VKORC1L1: variants seen among roughly 807,000 people sequenced by gnomAD.
VKORC1L1 encodes vitamin K epoxide reductase complex subunit 1L1.
VKORC1L1 carries 2 observed loss-of-function variants against 18.9 expected under a neutral mutation model. The observed-to-expected ratio is 0.11, with a 90% CI of 0.04 to 0.33. The LOEUF (loss-of-function observed/expected upper bound fraction) is 0.33. Among genes scored for constraint, VKORC1L1 ranks in the 10% least tolerant of loss-of-function variants. The pLI is 1.00. For synonymous variants in VKORC1L1, 96 were observed against 100.0 expected, an observed-to-expected ratio of 0.96 and a Z score of 0.24; for missense variants, 123 against 224.1, an observed-to-expected ratio of 0.55 and a Z score of 2.88.
At chr7:65,919,661 G>T (rs1353617303) in intron 1 of VKORC1L1, among the ~76,000 whole-genome samples, 1 of 152,140 alleles carries the variant, frequency 6.6e-6, no homozygotes, top group Non-Finnish European at 1.5e-5. Flanking sequence ...AAGCTACCAT[G>T]CTCTCTGCTG....
chr7:65,912,796 TAAAAATA>T (rs1447789510), intron 1 of VKORC1L1, among the ~76,000 whole-genome samples: 3 of 152,152 alleles, frequency 2.0e-5, no homozygotes, highest in Admixed American at 1.3e-4. Flanking sequence ...TTTTAAAAGA[TAAAAATA>T]TAAAATATAA....
intron 1 of VKORC1L1, among the ~76,000 whole-genome samples, chr7:65,887,414 T>C (rs1207097992): frequency 1.3e-5 from 2 of 152,030 alleles, no homozygotes; most frequent in Non-Finnish European, 2.9e-5. Context: ...TTCAAAAGTA[T>C]GTATACTTTA....
At chr7:65,929,117 G>GA (rs1789814267) in intron 1 of VKORC1L1, among the ~76,000 whole-genome samples, 1 of 151,880 alleles carries the variant, frequency 6.6e-6, no homozygotes, top group African/African-American at 2.4e-5. Flanking sequence ...AAGAGTTTTT[G>GA]AAAAAAGAGG....
intron 1 of VKORC1L1, among the ~76,000 whole-genome samples, chr7:65,899,594 G>A (rs1562988196): frequency 6.6e-6 from 1 of 152,160 alleles, no homozygotes; most frequent in Admixed American, 6.5e-5. Flanking sequence ...CTGGCACAGA[G>A]GGAGAAAGGC....
intron 1 of VKORC1L1, among the ~76,000 whole-genome samples, chr7:65,922,794 G>C (rs546057934): frequency 3.3e-5 from 5 of 152,290 alleles, no homozygotes; most frequent in African/African-American, 1.2e-4. Flanking sequence ...TAAGAGTGCT[G>C]TGTTCTTCCC....
upstream of VKORC1L1, among the ~76,000 whole-genome samples, chr7:65,871,960 T>G (rs1045608210): frequency 1.2e-4 from 18 of 152,248 alleles, no homozygotes; most frequent in African/African-American, 3.9e-4. Flanking sequence ...ATATTGCTTA[T>G]TATTCAAAAT....
chr7:65,868,003 T>C, the VKORC1L1 span, among the ~76,000 whole-genome samples: 6 of 152,288 alleles, frequency 3.9e-5, no homozygotes, highest in East Asian at 5.8e-4. Context: ...CATGCCACCA[T>C]GCCCAGCTAA....
intron 1 of VKORC1L1, among the ~76,000 whole-genome samples, chr7:65,909,737 T>TGAGA (rs1554396843): frequency 6.9e-6 from 1 of 145,172 alleles, no homozygotes; most frequent in African/African-American, 2.5e-5. Flanking sequence ...TGTGTGTGTG[T>TGAGA]GACGGAGGCT....
At chr7:65,915,943 T>C (rs928902537) in intron 1 of VKORC1L1, among the ~76,000 whole-genome samples, 1 of 151,794 alleles carries the variant, frequency 6.6e-6, no homozygotes, top group South Asian at 2.1e-4. Flanking sequence ...AAACCCCGTC[T>C]CTACTAAAAA....
chr7:65,919,277 A>T (rs1237724455), intron 1 of VKORC1L1, among the ~76,000 whole-genome samples: 1 of 151,498 alleles, frequency 6.6e-6, no homozygotes, highest in Non-Finnish European at 1.5e-5. Flanking sequence ...TTACTTGTTG[A>T]TGTCATTCAG....
chr7:65,900,068 T>C (rs1316381422), intron 1 of VKORC1L1, among the ~76,000 whole-genome samples: 2 of 147,092 alleles, frequency 1.4e-5, no homozygotes, highest in African/African-American at 5.0e-5. Context: ...TGTGTGTGTG[T>C]GTGTGTGTGT....
chr7:65,907,276 A>G (rs1175044838), intron 1 of VKORC1L1, among the ~76,000 whole-genome samples: 1 of 152,084 alleles, frequency 6.6e-6, no homozygotes, highest in Non-Finnish European at 1.5e-5. Flanking sequence ...CCCCGTCTCT[A>G]CTAAAAATAC....
At chr7:65,937,243 A>ACGC (rs1554301274) in intron 1 of VKORC1L1, among the ~76,000 whole-genome samples, 3 of 152,078 alleles carry the variant, frequency 2.0e-5, no homozygotes, top group African/African-American at 7.3e-5. Context: ...TCCAGTTTTT[A>ACGC]CTCTCCTCTA....
chr7:65,898,422 GA>G (rs752233390), intron 1 of VKORC1L1, among the ~76,000 whole-genome samples: 7 of 152,102 alleles, frequency 4.6e-5, no homozygotes, highest in African/African-American at 9.7e-5. Flanking sequence ...AGTTGTATAT[GA>G]AGTAATTTAG....
chr7:65,927,587 GCA>G (rs1223904101), intron 1 of VKORC1L1, among the ~76,000 whole-genome samples: 3 of 149,924 alleles, frequency 2.0e-5, no homozygotes, highest in Non-Finnish European at 4.4e-5. Flanking sequence ...GGCACACCCA[GCA>G]CAGTCACAAC....
chr7:65,898,213 G>A (rs563925563), intron 1 of VKORC1L1, among the ~76,000 whole-genome samples: 17 of 146,924 alleles, frequency 1.2e-4, no homozygotes, highest in African/African-American at 4.0e-4. Flanking sequence ...TTAGCCTCCC[G>A]AGTGTATGGG....
intron 1 of VKORC1L1, among the ~76,000 whole-genome samples, chr7:65,878,318 G>A (rs761592795): frequency 2.0e-5 from 3 of 151,958 alleles, no homozygotes; most frequent in Non-Finnish European, 2.9e-5. Flanking sequence ...ATGGTGGTGG[G>A]CACCTGTAAT....
chr7:65,889,332 A>C (rs1357514853), intron 1 of VKORC1L1, among the ~76,000 whole-genome samples: 3 of 152,088 alleles, frequency 2.0e-5, no homozygotes, highest in Non-Finnish European at 4.4e-5. Flanking sequence ...AAAACTAATA[A>C]ATTCAGTATG....
At chr7:65,914,655 CT>C (rs1471827636) in intron 1 of VKORC1L1, among the ~76,000 whole-genome samples, 1 of 152,112 alleles carries the variant, frequency 6.6e-6, no homozygotes, top group Non-Finnish European at 1.5e-5. Flanking sequence ...TTTTCCACCC[CT>C]ATATTGTTTT....
Sources: allele counts gnomAD v4.1 joint callset (sites outside exome capture counted in the v4.1 genomes callset), GRCh38; gene constraint gnomAD v4.1.1; transcripts MANE v1.5; gene names NCBI Gene and HGNC (gene_info 2026-07-23, HGNC 2026-07-21).